ZNF705B: variants seen among roughly 807,000 people sequenced by gnomAD.
ZNF705B encodes the protein Putative zinc finger protein 705D-like protein LOC100132396.
A neutral mutation model predicts 10.5 loss-of-function variants in ZNF705B; 1 was observed. That is an observed-to-expected ratio of 0.10 (90% CI 0.03 to 0.45). ZNF705B has a LOEUF of 0.45. Ranked by LOEUF, ZNF705B falls within the 20% of genes least tolerant of loss-of-function variation. The pLI is 0.97. For synonymous variants in ZNF705B, 4 were observed against 25.4 expected (o/e 0.16, Z 2.53); for missense variants, 14 against 84.0 (o/e 0.17, Z 3.26).
chr8:7,937,612 C>G lies in ZNF705B; in HGVS notation c.-72+7176C>G, dbSNP rs544865431. ...TTAACTGATTAAAAAAAATCAAACC[C>G]ATGTATTTAGCCAGGGTGACTATTT... is the stretch of plus-strand genomic sequence containing the variant. On this transcript the variant is annotated intron_variant, in intron 2 of 6. Transcript: ENST00000400120. 8.4e-4 allele frequency among the ~76,000 whole-genome samples: 102 copies of G among 121,652 alleles called. 5 individuals carry two copies. Among genetic ancestry groups the G allele is most frequent in the African/African-American group, 2.4e-3 (94 of 39,552 alleles). 79.8% of individuals were successfully genotyped at this position (121,652 alleles called of 152,430 possible). A position where few individuals can be genotyped will look rare whatever the true frequency, so the allele number is the denominator to read the frequency against.
In ZNF705B at chr8:7,928,867, T is replaced by C. The variant is rs201892852; in HGVS notation, c.-221-1420T>C. Among the ~76,000 whole-genome samples, 8 of 106,050 alleles carry C rather than the reference T, an allele frequency of 7.5e-5. 1 individual carries two copies. The East Asian group carries it at 2.1e-3, about 28-fold the overall frequency. 69.6% of individuals were successfully genotyped at this position (106,050 alleles called of 152,430 possible). A position where few individuals can be genotyped will look rare whatever the true frequency, so the allele number is the denominator to read the frequency against. On this transcript the variant is annotated intron_variant, in intron 1 of 6. Transcript: ENST00000400120. ...ATGGGTGGTTTTCCAAAAAACCAAG[T>C]GCTCTCATTTATAAGTGGGAGCTAG...
chr8:7,937,863 GTTGGGAAAAACAGTTCAGT>G (rs1820057381), intron 2 of ZNF705B, among the ~76,000 whole-genome samples: 1 of 100,482 alleles, frequency 1.0e-5, no homozygotes, highest in East Asian at 3.0e-4. Context: ...TTACCCCACT[GTTGGGAAAAACAGTTCAGT>G]TTCCAGGGCC....
chr8:7,933,043 G>A (rs1208803783), intron 2 of ZNF705B, among the ~76,000 whole-genome samples: 9 of 118,826 alleles, frequency 7.6e-5, no homozygotes, highest in African/African-American at 2.0e-4. Flanking sequence ...AAGCAAAGGG[G>A]AATTGAGGTT....
intron 2 of ZNF705B, among the ~76,000 whole-genome samples, chr8:7,941,134 G>A (rs1451425354): frequency 3.4e-5 from 5 of 147,460 alleles, no homozygotes; most frequent in Non-Finnish European, 6.0e-5. Flanking sequence ...GTTGTGAATA[G>A]TGCTGCAATG....
chr8:7,935,933 G>C (rs1820002307), intron 2 of ZNF705B, among the ~76,000 whole-genome samples: 1 of 91,308 alleles, frequency 1.1e-5, no homozygotes, highest in Non-Finnish European at 2.8e-5. Context: ...AGTCATAAGA[G>C]ATTAGTATAG....
At chr8:7,937,788 C>A (rs1366822157) in intron 2 of ZNF705B, among the ~76,000 whole-genome samples, 216 of 87,508 alleles carry the variant, frequency 2.5e-3, no homozygotes, top group Non-Finnish European at 3.4e-3. Flanking sequence ...AACAGCACAA[C>A]AGAACTCTAG....
intron 2 of ZNF705B, among the ~76,000 whole-genome samples, chr8:7,940,599 C>T (rs1820123199): frequency 7.5e-6 from 1 of 133,186 alleles, no homozygotes; most frequent in Non-Finnish European, 1.7e-5. Context: ...CCCATTTCCC[C>T]AGCACCAGGG....
chr8:7,927,382 A>C (rs1395933758), intron 1 of ZNF705B, among the ~76,000 whole-genome samples: 1 of 121,176 alleles, frequency 8.3e-6, no homozygotes, highest in African/African-American at 2.5e-5. Flanking sequence ...AGTTCCTCTT[A>C]CAGGTTAGGT....
At chr8:7,928,845 G>A (rs1401874821) in intron 1 of ZNF705B, among the ~76,000 whole-genome samples, 2 of 104,736 alleles carry the variant, frequency 1.9e-5, no homozygotes, top group Admixed American at 2.5e-4. Context: ...TTCTAAAATG[G>A]GTGGTTTTCC....
chr8:7,941,136 G>A (rs1246363135), intron 2 of ZNF705B, among the ~76,000 whole-genome samples: 2 of 147,328 alleles, frequency 1.4e-5, no homozygotes, highest in Non-Finnish European at 1.5e-5. Flanking sequence ...TGTGAATAGT[G>A]CTGCAATGAA....
chr8:7,948,841 G>T (rs369540448), intron 3 of ZNF705B, among the ~76,000 whole-genome samples: 8,921 of 63,462 alleles, frequency 0.14, 473 homozygotes, highest in African/African-American at 0.28. Flanking sequence ...AATTTTATAA[G>T]CAGTTATGTA....
chr8:7,937,464 TTGAG>T (rs1236069516), intron 2 of ZNF705B, among the ~76,000 whole-genome samples: 1 of 107,088 alleles, frequency 9.3e-6, no homozygotes, highest in Non-Finnish European at 2.2e-5. Flanking sequence ...TCTATTTTGA[TTGAG>T]TAACAGTGAA....
chr8:7,928,375 T>C lies in ZNF705B; in HGVS notation c.-221-1912T>C, dbSNP rs1469196722. Among the ~76,000 whole-genome samples, 3 of 121,090 alleles carry C rather than the reference T, an allele frequency of 2.5e-5. 1 individual carries two copies. The highest frequency in any genetic ancestry group is 7.5e-5 in the African/African-American group (3 of 39,826). 79.4% of individuals were successfully genotyped at this position (121,090 alleles called of 152,430 possible). A position where few individuals can be genotyped will look rare whatever the true frequency, so the allele number is the denominator to read the frequency against. On this transcript the variant is annotated intron_variant, in intron 1 of 6. Coordinates refer to ENST00000400120, the MANE Select transcript of ZNF705B (RefSeq NM_001193630.1). ...CTCCCTCCGTCAATTTATTCATTCA[T>C]GTATTGATTCTTTCATTCAAGTGTC...
intron 1 of ZNF705B, among the ~76,000 whole-genome samples, chr8:7,928,608 G>A (rs1254230914): frequency 9.0e-6 from 1 of 110,902 alleles, no homozygotes; most frequent in Admixed American, 1.1e-4. Context: ...ACTTTCTGCT[G>A]TTTAATTCCT....
chr8:7,926,417 A>G lies in ZNF705B; in HGVS notation c.-222+20A>G, dbSNP rs535892279. On this transcript the variant is annotated intron_variant, in intron 1 of 6. Transcript: ENST00000400120. ...TGCAAGGTGGGTTTCCAGTAGGGCC[A>G]ACTGGGGCTAAAGAAGGGGTGGGAG... 1 of 119,274 alleles carries G rather than the reference A, an allele frequency of 8.4e-6. No homozygotes were observed. The highest frequency in any genetic ancestry group is 2.6e-5 in the African/African-American group (1 of 38,764). 7.4% of individuals were successfully genotyped at this position (119,274 alleles called of 1,614,324 possible).
chr8:7,935,138 G>T (rs1185881097), intron 2 of ZNF705B, among the ~76,000 whole-genome samples: 1 of 105,158 alleles, frequency 9.5e-6, no homozygotes, highest in African/African-American at 2.7e-5. Flanking sequence ...TTTTTCCTGT[G>T]GAAGGGAACA....
At chr8:7,928,580 C>T (rs2128940984) in intron 1 of ZNF705B, among the ~76,000 whole-genome samples, 1 of 113,520 alleles carries the variant, frequency 8.8e-6, no homozygotes, top group Non-Finnish European at 2.1e-5. Context: ...GGAGGAATTT[C>T]AGTGTTTTAC....
Position 7,930,834 on chromosome 8 carries a change from G to A in ZNF705B, c.-72+398G>A, listed in dbSNP as rs867549387. Among the ~76,000 whole-genome samples, 35 of 90,784 alleles carry A rather than the reference G, an allele frequency of 3.9e-4. 4 individuals are homozygous for A. Among genetic ancestry groups the A allele is most frequent in the Middle Eastern group, 5.8e-3 (1 of 172 alleles). The allele number at this position is 90,784 out of a possible 152,430, so 59.6% of individuals were successfully genotyped here. ...AGACATCACGGCAAAGATGTGTTGT[G>A]TTATTTTTTTTGTTTTTTTTTTTGT... On this transcript the variant is annotated intron_variant, in intron 2 of 6. Coordinates refer to ENST00000400120, the MANE Select transcript of ZNF705B (RefSeq NM_001193630.1).
intron 2 of ZNF705B, among the ~76,000 whole-genome samples, chr8:7,937,782 G>A (rs1195899015): frequency 2.3e-5 from 2 of 87,140 alleles, no homozygotes; most frequent in Non-Finnish European, 2.7e-5. Flanking sequence ...CAAAGGAACA[G>A]CACAACAGAA....
Sources: allele counts gnomAD v4.1 joint callset (sites outside exome capture counted in the v4.1 genomes callset), GRCh38; gene constraint gnomAD v4.1.1; transcripts MANE v1.5; gene names NCBI Gene and HGNC (gene_info 2026-07-23, HGNC 2026-07-21).